Variants in TSG101 observed in about 807,000 individuals in gnomAD.
The protein encoded by TSG101 is tumor susceptibility 101.
Under a neutral mutation model 48.5 loss-of-function variants are expected in TSG101, and 19 were observed. That is an observed-to-expected ratio of 0.39 (90% confidence interval 0.27 to 0.58). The LOEUF (loss-of-function observed/expected upper bound fraction) is 0.58. Among genes scored for constraint, TSG101 ranks in the 20% least tolerant of loss-of-function variants. The pLI is 0.55. For synonymous variants in TSG101, 174 were observed against 169.4 expected (o/e 1.03, Z -0.21); for missense variants, 365 against 484.4 (o/e 0.75, Z 2.31).
At chr11:18,510,474 T>C (rs1850060409) in intron 4 of TSG101, among the ~76,000 whole-genome samples, 1 of 152,116 alleles carries the variant, frequency 6.6e-6, no homozygotes, top group Admixed American at 6.6e-5. Flanking sequence ...AATTGCTAGA[T>C]TGTAGTACAA....
chr11:18,482,943 C>G (rs1849564057), intron 8 of TSG101, among the ~76,000 whole-genome samples: 1 of 152,100 alleles, frequency 6.6e-6, no homozygotes, highest in African/African-American at 2.4e-5. Flanking sequence ...AAAACATTTC[C>G]TAGGGCAAAG....
rs1850144753 is a variant in TSG101 at position 18,514,850 on chromosome 11, G to T, written c.194-9C>A. 3.3e-6 allele frequency: 5 copies of T among 1,528,258 alleles called. No individual in the cohort carries two copies. Among genetic ancestry groups the T allele is most frequent in the Non-Finnish European group, 3.5e-6 (4 of 1,150,046 alleles). The allele number at this position is 1,528,258 out of a possible 1,614,324, so 94.7% of individuals were successfully genotyped here. Reference sequence around the variant, plus strand: ...AATATTGTATGTATTACCTGAAAAAGAAATAGAAACTTCAGTTACTCTATT... The same window carrying T: ...AATATTGTATGTATTACCTGAAAAATAAATAGAAACTTCAGTTACTCTATT... On this transcript the variant is annotated splice_polypyrimidine_tract_variant and intron_variant, in intron 3 of 9. Transcript: ENST00000251968.
chr11:18,506,576 A>C (rs1849977544), intron 6 of TSG101, among the ~76,000 whole-genome samples: 1 of 151,848 alleles, frequency 6.6e-6, no homozygotes, highest in Non-Finnish European at 1.5e-5. Flanking sequence ...TGTAGTCCCA[A>C]CTGCTAGGGA....
intron 7 of TSG101, among the ~76,000 whole-genome samples, chr11:18,485,867 C>CAAGCCAAA (rs1469821299): frequency 2.6e-5 from 4 of 152,340 alleles, no homozygotes; most frequent in African/African-American, 9.6e-5. Flanking sequence ...ACGCCACCTT[C>CAAGCCAAA]AAGCCAAAAA....
chr11:18,488,950 A>G (rs1468377499), intron 7 of TSG101, among the ~76,000 whole-genome samples: 1 of 152,006 alleles, frequency 6.6e-6, no homozygotes, highest in Non-Finnish European at 1.5e-5. Context: ...ACCCATCTCT[A>G]CTAAAAATAC....
chr11:18,481,988 G>A, intron 8 of TSG101, 119 bp from the exon 9 acceptor site: 1 of 1,368,014 alleles, frequency 7.3e-7, no homozygotes, highest in Non-Finnish European at 9.9e-7. Flanking sequence ...TCATGGATGA[G>A]AATAATGTTT....
intron 6 of TSG101, among the ~76,000 whole-genome samples, chr11:18,504,958 A>G (rs1156946458): frequency 6.6e-6 from 1 of 152,172 alleles, no homozygotes; most frequent in African/African-American, 2.4e-5. Context: ...TGTCCCTGAC[A>G]AATGTTCTTC....
At chr11:18,492,010 A>G (rs1050888388) in intron 7 of TSG101, among the ~76,000 whole-genome samples, 8 of 152,230 alleles carry the variant, frequency 5.3e-5, no homozygotes, top group African/African-American at 1.9e-4. Context: ...ACTGTACTTA[A>G]AAAGTCCTTT....
At chr11:18,509,979 T>G (rs1850051513) in intron 4 of TSG101, among the ~76,000 whole-genome samples, 1 of 152,202 alleles carries the variant, frequency 6.6e-6, no homozygotes, top group South Asian at 2.1e-4. Context: ...CTGTACAATG[T>G]ATTATAAGTA....
intron 8 of TSG101, among the ~76,000 whole-genome samples, chr11:18,483,102 T>C (rs1849568198): frequency 6.6e-6 from 1 of 152,130 alleles, no homozygotes; most frequent in African/African-American, 2.4e-5. Context: ...GGAGCCGGTC[T>C]TTCTATTCTC....
At chr11:18,493,631 G>A (rs1476146935) in intron 7 of TSG101, among the ~76,000 whole-genome samples, 1 of 152,108 alleles carries the variant, frequency 6.6e-6, no homozygotes, top group Non-Finnish European at 1.5e-5. Context: ...AGCAAACTAT[G>A]GAGCCCAAGT....
At position 18,490,995 on chromosome 11, in the gene TSG101, G is replaced by C. The variant is rs185942313; in HGVS notation, c.641-6923C>G. On this transcript the variant is annotated intron_variant, in intron 7 of 9. Coordinates refer to ENST00000251968, the MANE Select transcript of TSG101 (RefSeq NM_006292.4). ...GGCTGCAGGGGACGAGGATGCTTCT[G>C]AGCAAAGCTCCAAGTGAGGTGACCA... The C allele has an allele frequency of 9.7e-5, 20 of 206,862 alleles. No homozygotes were observed. In the East Asian group the frequency reaches 2.2e-3, roughly 23 times the overall value. The allele number at this position is 206,862 out of a possible 1,614,324, so 12.8% of individuals were successfully genotyped here. A position where few individuals can be genotyped will look rare whatever the true frequency, so the allele number is the denominator to read the frequency against.
chr11:18,520,541 C>T (rs889450685), intron 1 of TSG101, among the ~76,000 whole-genome samples: 6 of 152,154 alleles, frequency 3.9e-5, no homozygotes, highest in Admixed American at 3.9e-4. Context: ...ATTTTATTCA[C>T]CTACTGTTCA....
At chr11:18,490,825 GAGC>G (rs889229996) in intron 7 of TSG101, 6 of 544,690 alleles carry the variant, frequency 1.1e-5, no homozygotes, top group Admixed American at 2.0e-5. Flanking sequence ...AGGCAACAGA[GAGC>G]AGATTTCTCT....
chr11:18,516,787 CA>C, intron 2 of TSG101, among the ~76,000 whole-genome samples: 1 of 151,036 alleles, frequency 6.6e-6, no homozygotes, highest in Non-Finnish European at 1.5e-5. Context: ...ACTAAAAATA[CA>C]AAATTAGCTG....
intron 7 of TSG101, among the ~76,000 whole-genome samples, chr11:18,486,868 C>A (rs1273026414): frequency 2.6e-5 from 4 of 151,950 alleles, no homozygotes; most frequent in Non-Finnish European, 5.9e-5. Context: ...GGAACCAACC[C>A]AAATGTCCAA....
At chr11:18,489,113 CA>C (rs201368614) in intron 7 of TSG101, among the ~76,000 whole-genome samples, 175 of 125,020 alleles carry the variant, frequency 1.4e-3, no homozygotes, top group Admixed American at 1.6e-3. Flanking sequence ...GACTCCATCT[CA>C]AAAAAAAAAA....
chr11:18,485,157 C>T (rs1054743284), intron 7 of TSG101, among the ~76,000 whole-genome samples: 1 of 151,978 alleles, frequency 6.6e-6, no homozygotes, highest in African/African-American at 2.4e-5. Flanking sequence ...CCAAAACCAT[C>T]AACAAACTCT....
chr11:18,488,241 G>GT (rs983593399), intron 7 of TSG101, among the ~76,000 whole-genome samples: 21 of 151,920 alleles, frequency 1.4e-4, no homozygotes, highest in African/African-American at 3.4e-4. Context: ...AGGGATTTTT[G>GT]TTTTTTTTCT....
Sources: gnomAD v4.1 joint callset for allele counts (sites outside exome capture counted in the v4.1 genomes callset) on GRCh38, gnomAD v4.1.1 for gene constraint, MANE v1.5 for transcripts, NCBI Gene and HGNC (gene_info 2026-07-23, HGNC 2026-07-21) for gene names.